The following LPP variants were observed in gnomAD, a reference collection of about 807,000 sequenced individuals.
LPP encodes the protein lipoma-preferred partner.
Under a neutral mutation model 60.4 loss-of-function variants are expected in LPP, and 38 were observed. That is an observed-to-expected ratio of 0.63 (90% CI 0.49 to 0.83). LPP has a LOEUF of 0.83. Among genes scored for constraint, LPP ranks in the 40% least tolerant of loss-of-function variants. The probability of loss-of-function intolerance (pLI) is 0.00; values close to 1 mark genes in which losing one functional copy is unlikely to be tolerated. For synonymous variants in LPP, 328 were observed against 290.8 expected (o/e 1.13, Z -1.30); for missense variants, 902 against 783.6 (o/e 1.15, Z -1.80).
chr3:188,860,762 G>A (rs1578025473), intron 9 of LPP, among the ~76,000 whole-genome samples: 2 of 152,300 alleles, frequency 1.3e-5, no homozygotes, highest in South Asian at 2.1e-4. Flanking sequence ...GGGATCCAAC[G>A]ACGAGTTTTC....
chr3:188,481,441 A>G (rs529542735), intron 4 of LPP, among the ~76,000 whole-genome samples: 3 of 152,362 alleles, frequency 2.0e-5, no homozygotes, highest in East Asian at 1.9e-4. Context: ...CTTAGAATAT[A>G]GAATCCATCT....
intron 2 of LPP, among the ~76,000 whole-genome samples, chr3:188,242,529 C>T (rs1725345778): frequency 6.6e-6 from 1 of 152,136 alleles, no homozygotes; most frequent in African/African-American, 2.4e-5. Flanking sequence ...TCAACAAATA[C>T]ACACCAGGTA....
intron 7 of LPP, among the ~76,000 whole-genome samples, chr3:188,673,230 T>TTTTG (rs534801670): frequency 7.9e-5 from 12 of 152,212 alleles, no homozygotes; most frequent in African/African-American, 2.4e-4. Flanking sequence ...AGTACCGTTT[T>TTTTG]TTTGTTTGTT....
chr3:188,454,721 G>A (rs867919332), intron 4 of LPP, among the ~76,000 whole-genome samples: 2 of 152,136 alleles, frequency 1.3e-5, no homozygotes, highest in African/African-American at 2.4e-5. Flanking sequence ...AAATGAGGAG[G>A]AAGCAAAAGC....
intron 3 of LPP, among the ~76,000 whole-genome samples, chr3:188,374,985 T>C (rs547839731): frequency 3.8e-4 from 58 of 152,256 alleles, no homozygotes; most frequent in Admixed American, 2.0e-3. Flanking sequence ...TTGTCTTTGG[T>C]TCTGTTTATA....
At chr3:188,373,747 A>G (rs1417239936) in intron 3 of LPP, among the ~76,000 whole-genome samples, 1 of 151,944 alleles carries the variant, frequency 6.6e-6, no homozygotes, top group Admixed American at 6.6e-5. Flanking sequence ...TTTTGTTGCC[A>G]TTGCTTTTGG....
chr3:188,442,436 A>G (rs1031596720), intron 4 of LPP, among the ~76,000 whole-genome samples: 2 of 152,212 alleles, frequency 1.3e-5, no homozygotes, highest in Non-Finnish European at 2.9e-5. Flanking sequence ...TTAGAATTCA[A>G]CTTAATGAAA....
intron 1 of LPP, among the ~76,000 whole-genome samples, chr3:188,162,614 G>T (rs1030185510): frequency 2.0e-5 from 3 of 152,006 alleles, no homozygotes; most frequent in African/African-American, 7.2e-5. Flanking sequence ...CTATGTTTGG[G>T]CTAACCACAA....
rs144299808 is a variant in LPP, at chr3:188,524,917, T to G, written c.429+130T>G. On this transcript the variant is annotated intron_variant, in intron 6 of 11. Coordinates refer to ENST00000617246, the MANE Select transcript of LPP (RefSeq NM_001375462.1). ...CGTCCGTCCTTCCTTCCTTCCTTCCTTCCTTCCTTCCTTCCTTCCTTCCTT... is the reference window on the plus strand; with the variant it reads ...CGTCCGTCCTTCCTTCCTTCCTTCCGTCCTTCCTTCCTTCCTTCCTTCCTT... 0.54 allele frequency: 342,976 copies of G among 636,882 alleles called. 109,760 individuals are homozygous for G. Among genetic ancestry groups the G allele is most frequent in the East Asian group, 0.9 (29,098 of 32,344 alleles). 39.5% of individuals were successfully genotyped at this position (636,882 alleles called of 1,614,324 possible).
chr3:188,868,030 A>T (rs1767107400), intron 10 of LPP, among the ~76,000 whole-genome samples: 1 of 152,208 alleles, frequency 6.6e-6, no homozygotes, highest in South Asian at 2.1e-4. Context: ...TTGCAACCTG[A>T]ATTAGACAAG....
chr3:188,506,047 C>G (rs1044429007), intron 5 of LPP, among the ~76,000 whole-genome samples: 5 of 152,106 alleles, frequency 3.3e-5, no homozygotes, highest in African/African-American at 9.7e-5. Context: ...TTGTGTCTTT[C>G]TCAATACCTG....
intron 2 of LPP, among the ~76,000 whole-genome samples, chr3:188,247,752 T>C (rs1220353305): frequency 2.0e-5 from 3 of 150,380 alleles, no homozygotes; most frequent in East Asian, 3.9e-4. Context: ...TGAGACGAGA[T>C]TGCGCCATTG....
chr3:188,349,015 G>GGGATT (rs878930515), intron 3 of LPP, among the ~76,000 whole-genome samples: 7 of 152,238 alleles, frequency 4.6e-5, no homozygotes, highest in Admixed American at 1.3e-4. Context: ...GGGTCAAACT[G>GGGATT]GGATTGGATT....
At chr3:188,211,458 G>A (rs911840484) in intron 1 of LPP, among the ~76,000 whole-genome samples, 1 of 152,152 alleles carries the variant, frequency 6.6e-6, no homozygotes, top group Admixed American at 6.5e-5. Context: ...AAGCCAAGAT[G>A]TGGTACTTGG....
chr3:188,549,894 A>C (rs1827630098), intron 6 of LPP, among the ~76,000 whole-genome samples: 1 of 152,204 alleles, frequency 6.6e-6, no homozygotes, highest in Admixed American at 6.5e-5. Context: ...TCTGGCAATA[A>C]AAGGCCTTGC....
At chr3:188,683,847 C>G (rs1209889435) in intron 7 of LPP, among the ~76,000 whole-genome samples, 1 of 152,128 alleles carries the variant, frequency 6.6e-6, no homozygotes, top group East Asian at 1.9e-4. Flanking sequence ...AAACCTTATT[C>G]TATGGATTCA....
chr3:188,327,718 G>A lies in LPP; in HGVS notation c.-66-13945G>A, dbSNP rs6784895. The stretch of plus-strand genomic sequence containing the variant: ...TATATAAAGATAGACAGGTAGCAGC[G>A]TCTGAAAGTAGAGATGAGCTACTCT... On this transcript the variant is annotated intron_variant, in intron 2 of 11. Coordinates refer to ENST00000617246, the MANE Select transcript of LPP (RefSeq NM_001375462.1). Among the ~76,000 whole-genome samples the A allele has an allele frequency of 8.4e-3, 1,271 of 152,188 alleles. 14 individuals are homozygous for A. The highest frequency in any genetic ancestry group is 0.028 in the African/African-American group (1,154 of 41,508).
At chr3:188,216,889 G>A (rs1713829911) in intron 1 of LPP, among the ~76,000 whole-genome samples, 1 of 152,228 alleles carries the variant, frequency 6.6e-6, no homozygotes, top group Non-Finnish European at 1.5e-5. Context: ...ACAGTGCAGG[G>A]CTACTATCCT....
intron 7 of LPP, among the ~76,000 whole-genome samples, chr3:188,676,838 A>G (rs1393770277): frequency 4.6e-5 from 7 of 152,188 alleles, no homozygotes; most frequent in Non-Finnish European, 8.8e-5. Context: ...GAAACAGCAA[A>G]GGTCACATGT....
Sources: allele counts gnomAD v4.1 joint callset (sites outside exome capture counted in the v4.1 genomes callset), GRCh38; gene constraint gnomAD v4.1.1; transcripts MANE v1.5; gene names NCBI Gene and HGNC (gene_info 2026-07-23, HGNC 2026-07-21).